The following FYN variants were observed in gnomAD, a reference collection of about 807,000 sequenced individuals.
The protein encoded by FYN is tyrosine-protein kinase Fyn.
Under a neutral mutation model 70.2 loss-of-function variants are expected in FYN, and 10 were observed. The ratio of observed to expected loss-of-function variants is 0.14; its 90% CI spans 0.09 to 0.24. FYN has a LOEUF of 0.24. FYN is among the 10% of genes least tolerant of loss of function. The probability of loss-of-function intolerance (pLI) is 1.00; values close to 1 mark genes in which losing one functional copy is unlikely to be tolerated. For synonymous variants in FYN, 236 were observed against 248.6 expected, an observed-to-expected ratio of 0.95 and a Z score of 0.48; for missense variants, 319 against 673.1, an observed-to-expected ratio of 0.47 and a Z score of 5.82.
At chr6:111,798,212 G>C (rs1416726194) in intron 2 of FYN, 2 of 152,098 alleles carry the variant, frequency 1.3e-5, no homozygotes, top group African/African-American at 4.8e-5. Context: ...AAATCAAAGA[G>C]AAAGTATACA....
intron 2 of FYN, among the ~76,000 whole-genome samples, chr6:111,782,733 T>C (rs577709339): frequency 6.6e-6 from 1 of 152,276 alleles, no homozygotes; most frequent in South Asian, 2.1e-4. Context: ...TTCAGGTCCT[T>C]TGAATAGACA....
At chr6:111,705,392 TTTTTTTTTCTTGA>T (rs1444067823) in intron 6 of FYN, among the ~76,000 whole-genome samples, 4 of 151,048 alleles carry the variant, frequency 2.6e-5, no homozygotes, top group Non-Finnish European at 5.9e-5. Context: ...TTCTTTTTTT[TTTTTTTTTCTTGA>T]GACAGGGTCT....
chr6:111,757,856 C>T lies in FYN; in HGVS notation c.-12+22710G>A, dbSNP rs534121887. On this transcript the variant is annotated intron_variant, in intron 3 of 13. Coordinates refer to ENST00000354650, the MANE Select transcript of FYN (RefSeq NM_002037.5). ...CTGTATATCCAGGTATGTCCATCGG[C>T]ATGGGGGCCTGGTCAGCTCATGTTT... Among the ~76,000 whole-genome samples, 555 of 152,306 alleles carry T rather than the reference C, an allele frequency of 3.6e-3. 1 individual carries two copies. The highest frequency in any genetic ancestry group is 0.013 in the African/African-American group (525 of 41,560).
At position 111,731,390 on chromosome 6, in the gene FYN, G is replaced by A. The variant is rs547767231; in HGVS notation, c.-11-11328C>T. Among the ~76,000 whole-genome samples, 27 of 152,340 alleles carry A rather than the reference G, an allele frequency of 1.8e-4. No individual in the cohort carries two copies. The South Asian group carries it at 5.6e-3, about 32-fold the overall frequency. ...GGTCTCCATGTCTCCCATTTTCGCT[G>A]ATCATTTATCTGGTTATGAAGTCAC... On this transcript the variant is annotated intron_variant, in intron 3 of 13. Coordinates refer to ENST00000354650, the MANE Select transcript of FYN (RefSeq NM_002037.5).
At chr6:111,741,469 A>T (rs951547697) in intron 3 of FYN, among the ~76,000 whole-genome samples, 2 of 152,196 alleles carry the variant, frequency 1.3e-5, no homozygotes, top group African/African-American at 4.8e-5. Flanking sequence ...ATATCTCAGG[A>T]TGTTGAGTTT....
At chr6:111,808,458 G>C (rs528382831) in intron 2 of FYN, among the ~76,000 whole-genome samples, 39 of 152,302 alleles carry the variant, frequency 2.6e-4, no homozygotes, top group African/African-American at 9.1e-4. Flanking sequence ...CAGGGATAGT[G>C]ACCCCATTTC....
chr6:111,802,788 A>T, intron 2 of FYN, among the ~76,000 whole-genome samples: 1 of 142,760 alleles, frequency 7.0e-6, no homozygotes, highest in African/African-American at 3.0e-5. Context: ...AAAAAAAAAA[A>T]AAATTCATTG....
chr6:111,835,829 T>G (rs1773169318), intron 2 of FYN, among the ~76,000 whole-genome samples: 1 of 151,746 alleles, frequency 6.6e-6, no homozygotes, highest in African/African-American at 2.4e-5. Context: ...GAAAAGTGTG[T>G]GGGGGGAGGG....
At chr6:111,856,850 C>T (rs1389035504) in intron 1 of FYN, among the ~76,000 whole-genome samples, 1 of 152,090 alleles carries the variant, frequency 6.6e-6, no homozygotes, top group East Asian at 1.9e-4. Flanking sequence ...TCCAAACAGG[C>T]AACTCCGCAC....
chr6:111,800,846 G>C (rs1771960314), intron 2 of FYN, among the ~76,000 whole-genome samples: 1 of 152,190 alleles, frequency 6.6e-6, no homozygotes, highest in Admixed American at 6.5e-5. Context: ...GATATCCCCA[G>C]AGGATAGCAA....
At chr6:111,688,780 C>A (rs936014635) in intron 12 of FYN, among the ~76,000 whole-genome samples, 5 of 152,130 alleles carry the variant, frequency 3.3e-5, no homozygotes, top group African/African-American at 1.2e-4. Context: ...AGGGATAGTT[C>A]TCAACAGAGA....
At chr6:111,724,151 T>C (rs150068078) in intron 3 of FYN, among the ~76,000 whole-genome samples, 34 of 152,294 alleles carry the variant, frequency 2.2e-4, no homozygotes, top group African/African-American at 7.2e-4. Context: ...GATGTGCCAA[T>C]AGTGTTAAGC....
intron 2 of FYN, among the ~76,000 whole-genome samples, chr6:111,836,749 G>A (rs1773200869): frequency 6.6e-6 from 1 of 152,186 alleles, no homozygotes; most frequent in Non-Finnish European, 1.5e-5. Flanking sequence ...TTGACAAAGT[G>A]AGATTGTGTC....
intron 3 of FYN, among the ~76,000 whole-genome samples, chr6:111,760,103 C>T (rs1484792501): frequency 1.3e-5 from 2 of 151,960 alleles, no homozygotes; most frequent in African/African-American, 4.8e-5. Flanking sequence ...TCACGATATG[C>T]GTCACCCATA....
intron 10 of FYN, 116 bp downstream of exon 10, chr6:111,696,161 G>A (rs1799564380): frequency 1.1e-6 from 1 of 876,900 alleles, no homozygotes; most frequent in Admixed American, 2.9e-5. Context: ...GTTCCTAATG[G>A]GAATACTTGA....
intron 12 of FYN, among the ~76,000 whole-genome samples, chr6:111,681,194 A>G (rs1225050426): frequency 6.6e-6 from 1 of 151,990 alleles, no homozygotes; most frequent in African/African-American, 2.4e-5. Flanking sequence ...TGCCTGGCTA[A>G]TTTTTGTATT....
chr6:111,669,087 C>T (rs920665638), intron 13 of FYN, among the ~76,000 whole-genome samples: 2 of 152,066 alleles, frequency 1.3e-5, no homozygotes, highest in Admixed American at 1.3e-4. Context: ...AGAAAGTCAC[C>T]TGTTGAATGA....
chr6:111,755,981 C>T (rs1802714789), intron 3 of FYN, among the ~76,000 whole-genome samples: 1 of 151,452 alleles, frequency 6.6e-6, no homozygotes. Flanking sequence ...AAGAGTACAT[C>T]CAAAGAAAGC....
intron 2 of FYN, among the ~76,000 whole-genome samples, chr6:111,823,008 G>A (rs1016994558): frequency 6.6e-6 from 1 of 152,234 alleles, no homozygotes; most frequent in African/African-American, 2.4e-5. Context: ...TGAGCAGTAG[G>A]TGCACATCAC....
Sources: allele counts gnomAD v4.1 joint callset (sites outside exome capture counted in the v4.1 genomes callset), GRCh38; gene constraint gnomAD v4.1.1; transcripts MANE v1.5; gene names NCBI Gene and HGNC (gene_info 2026-07-23, HGNC 2026-07-21).